The following ZNF692 variants were observed in gnomAD, a reference collection of about 807,000 sequenced individuals.
ZNF692 encodes zinc finger protein 692.
ZNF692 carries 41 observed loss-of-function variants against 49.0 expected under a neutral mutation model. The observed-to-expected ratio is 0.84, with a 90% confidence interval of 0.65 to 1.08. The LOEUF (loss-of-function observed/expected upper bound fraction) is 1.08. Among genes scored for constraint, ZNF692 ranks in the 50% least tolerant of loss-of-function variants. The pLI, the probability that ZNF692 is intolerant of heterozygous loss-of-function variation, is 0.00. For missense variants in ZNF692, 662 were observed against 662.2 expected (o/e 1.00, Z 0.00); for synonymous variants, 288 against 251.5 (o/e 1.15, Z -1.37).
chr1:248,858,946 A>ACTGCGC lies in ZNF692; in HGVS notation c.-47_-42dup, dbSNP rs920499257. On this transcript the variant is annotated 5_prime_UTR_variant, in exon 1 of 12. Transcript: ENST00000306601. This position sits in a 1 kb window ranked among gnomAD's most constrained non-coding sequence, Gnocchi z 4.3. ...TGCGCCCCCACGCGCCCTCACCCCCACTGCGCCTGCGCCTGCGCCTCCCGG... is the reference window on the plus strand; with the variant it reads ...TGCGCCCCCACGCGCCCTCACCCCCACTGCGCCTGCGCCTGCGCCTGCGCCTCCCGG... The ACTGCGC allele has an allele frequency of 7.6e-4, 60 of 79,102 alleles. No individual in the cohort carries two copies. Among genetic ancestry groups the ACTGCGC allele is most frequent in the African/African-American group, 4.1e-3 (42 of 10,296 alleles). 4.9% of individuals were successfully genotyped at this position (79,102 alleles called of 1,614,324 possible).
Position 248,856,542 on chromosome 1 carries a change from C to G in ZNF692, c.496G>C (p.Glu166Gln). 6.2e-7 allele frequency: 1 copy of G among 1,614,208 alleles called. No homozygotes were observed. Among genetic ancestry groups the G allele is most frequent in the Non-Finnish European group, 8.5e-7 (1 of 1,180,040 alleles). ...GGCAACCTGGCCTCTTGAGTCCTCT[C>G]ATCATGCTCAGATTCCAAATCTGTG... ...ELADLESEHD[E>Q]RTQEARLPRR... The change falls in exon 5 of 12, where the codon GAG becomes CAG. Residue 166 changes from glutamate (E) to glutamine (Q), a missense_variant. Glu to Gln is a conservative substitution (Grantham distance 29). Transcript: ENST00000306601.
chr1:248,854,358 A>G, intron 9 of ZNF692: 1 of 294,070 alleles, frequency 3.4e-6, no homozygotes, highest in Non-Finnish European at 6.6e-6. Flanking sequence ...TTCCCTGTAC[A>G]AAGTATCACT....
rs775899584 is a variant in ZNF692 at position 248,855,788 on chromosome 1, A to T, written c.818T>A (p.Val273Asp). ...LSSRAPPPAEVRVQPQLSRTP... is the reference protein window; with the variant it reads ...LSSRAPPPAEDRVQPQLSRTP... The stretch of plus-strand genomic sequence containing the variant: ...CCTGCTGAGCTGTGGCTGCACCCTG[A>T]CTTCTGCAGGTGGAGGAGCTCTGGA... The change falls in exon 7 of 12, where the codon GTC (valine) becomes GAC (aspartate). Residue 273 changes from valine (V) to aspartate (D), a missense_variant. Coordinates refer to ENST00000306601, the MANE Select transcript of ZNF692 (RefSeq NM_017865.4). 1.2e-6 allele frequency: 2 copies of T among 1,614,106 alleles called. No homozygotes were observed. Among genetic ancestry groups the T allele is most frequent in the Admixed American group, 3.3e-5 (2 of 60,014 alleles).
chr1:248,854,884 CCT>C (rs952753161), intron 9 of ZNF692, among the ~76,000 whole-genome samples: 31 of 152,288 alleles, frequency 2.0e-4, no homozygotes, highest in East Asian at 1.5e-3. Flanking sequence ...GGCATTCTCC[CCT>C]GTCTGTCTAC....
chr1:248,855,761 G>T lies in ZNF692; in HGVS notation c.845C>A (p.Thr282Asn). 6.2e-7 allele frequency: 1 copy of T among 1,614,236 alleles called. No individual in the cohort carries two copies. The highest frequency in any genetic ancestry group is 8.5e-7 in the Non-Finnish European group (1 of 1,180,042). ...EVRVQPQLSR[T>N]PQAAQQTEAL... ...CTCAGTCTGCTGGGCCGCTTGAGGGGTCCTGCTGAGCTGTGGCTGCACCCT... is the reference window on the plus strand; with the variant it reads ...CTCAGTCTGCTGGGCCGCTTGAGGGTTCCTGCTGAGCTGTGGCTGCACCCT... Residue 282 changes from threonine to asparagine, a missense_variant, in exon 7 of 12, where the codon ACC becomes AAC. Coordinates refer to ENST00000306601, the MANE Select transcript of ZNF692 (RefSeq NM_017865.4).
intron 4 of ZNF692, among the ~76,000 whole-genome samples, 166 bp from the exon 5 acceptor site, chr1:248,856,728 T>C (rs374319015): frequency 5.9e-4 from 90 of 152,136 alleles, no homozygotes; most frequent in African/African-American, 2.1e-3. Context: ...GCTCAAGCAA[T>C]CCTCTTGCCT....
chr1:248,850,609 C>T (rs1659449731), intron 11 of ZNF692, 73 bp downstream of exon 11: 1 of 1,602,020 alleles, frequency 6.2e-7, no homozygotes, highest in African/African-American at 1.3e-5. Context: ...CCTAGGTGTC[C>T]TATATGCCTA....
rs769188310 is a variant in ZNF692, at chr1:248,850,682, T to C, written c.1253A>G (p.Gln418Arg). The change falls in exon 11 of 12, where the codon CAG becomes CGG. Residue 418 changes from glutamine (Q) to arginine (R), a missense_variant and splice_region_variant. Coordinates refer to ENST00000306601, the MANE Select transcript of ZNF692 (RefSeq NM_017865.4). ...CCTCAGACCCCACCCCAGCACTCACTGCAGGGGTTTTTCTCCAGTGTGGAT... is the reference window on the plus strand; with the variant it reads ...CCTCAGACCCCACCCCAGCACTCACCGCAGGGGTTTTTCTCCAGTGTGGAT... ...RRIHTGEKPLQCEICGFTCRQ... is the reference protein window; with the variant it reads ...RRIHTGEKPLRCEICGFTCRQ... The C allele has an allele frequency of 3.1e-6, 5 of 1,614,000 alleles. No homozygotes were observed. The Admixed American group carries it at 6.7e-5, about 22-fold the overall frequency.
chr1:248,854,185 C>A, intron 9 of ZNF692, 134 bp from the exon 10 acceptor site: 1 of 652,358 alleles, frequency 1.5e-6, no homozygotes. Context: ...GCAGTTCTCC[C>A]TGTCATGGCC....
At chr1:248,853,251 C>G (rs1659815191) in intron 10 of ZNF692, among the ~76,000 whole-genome samples, 2 of 152,216 alleles carry the variant, frequency 1.3e-5, no homozygotes, top group Admixed American at 1.3e-4. Context: ...CACATCTCTG[C>G]AGTCATCTCA....
Position 248,854,013 on chromosome 1 carries a change from G to T in ZNF692, c.1077C>A (p.Phe359Leu), listed in dbSNP as rs1659925484. 1.2e-6 allele frequency: 2 copies of T among 1,614,114 alleles called. No homozygotes were observed. Among genetic ancestry groups the T allele is most frequent in the Non-Finnish European group, 1.7e-6 (2 of 1,180,032 alleles). Residue 359 changes from phenylalanine to leucine, a missense_variant, in exon 10 of 12, where the codon TTC (phenylalanine) becomes TTA (leucine). Transcript: ENST00000306601. Reference protein sequence around the residue: ...KKYQHIHQKSFSCPEPACGKS... With the variant: ...KKYQHIHQKSLSCPEPACGKS... The stretch of plus-strand genomic sequence containing the variant: ...TCCCACAGGCTGGCTCTGGGCAGGA[G>T]AAAGACTTCTGGTGGATGTGCTGGT...
chr1:248,851,495 C>T (rs1159014122), intron 10 of ZNF692, among the ~76,000 whole-genome samples: 1 of 152,042 alleles, frequency 6.6e-6, no homozygotes, highest in Non-Finnish European at 1.5e-5. Context: ...TCTCATGGTG[C>T]CCTTTAGACC....
Position 248,850,092 on chromosome 1 carries a change from C to T in ZNF692, c.*118G>A, listed in dbSNP as rs1177617222. The T allele has an allele frequency of 1.7e-6, 2 of 1,195,062 alleles. No homozygotes were observed. Among genetic ancestry groups the T allele is most frequent in the Admixed American group, 6.1e-5 (2 of 32,852 alleles). The allele number at this position is 1,195,062 out of a possible 1,614,324, so 74.0% of individuals were successfully genotyped here. ...AGCCCAGTCTTGCCCCCACCCTGCACTCTGTCGCCTTAGTTCCTGGGGACC... is the reference window on the plus strand; with the variant it reads ...AGCCCAGTCTTGCCCCCACCCTGCATTCTGTCGCCTTAGTTCCTGGGGACC... On this transcript the variant is annotated 3_prime_UTR_variant, in exon 12 of 12. Transcript: ENST00000306601.
At chr1:248,855,257 G>T (rs1033021700) in intron 9 of ZNF692, 123 bp downstream of exon 9, 6 of 882,128 alleles carry the variant, frequency 6.8e-6, no homozygotes, top group African/African-American at 6.7e-5. Context: ...CTTTATACAT[G>T]TCAGGTACCC....
In ZNF692 at chr1:248,850,377, C is replaced by G; in HGVS notation, c.1393G>C (p.Ala465Pro). The change falls in exon 12 of 12, where the codon GCC becomes CCC. Residue 465 changes from alanine (A) to proline (P), a missense_variant. Ala to Pro is a conservative substitution (Grantham distance 27, BLOSUM62 -1). Coordinates refer to ENST00000306601, the MANE Select transcript of ZNF692 (RefSeq NM_017865.4). ...GCTGGGTGACTTTTGCTACGGTGGG[C>G]TGCAACACTGTCTGGCTTCTCAAAG... ...KRFEKPDSVA[A>P]HRSKSHPALL... 7 of 1,614,126 alleles carry G rather than the reference C, an allele frequency of 4.3e-6. No homozygotes were observed. Among genetic ancestry groups the G allele is most frequent in the Non-Finnish European group, 5.9e-6 (7 of 1,180,028 alleles).
At position 248,857,299 on chromosome 1, in the gene ZNF692, G is replaced by T; in HGVS notation, c.410C>A (p.Ala137Asp). 1 of 1,614,178 alleles carries T rather than the reference G, an allele frequency of 6.2e-7. No homozygotes were observed. Among genetic ancestry groups the T allele is most frequent in the Non-Finnish European group, 8.5e-7 (1 of 1,180,028 alleles). ...SPTPSEAPKP[A>D]SLPHTTRRSW... Reference sequence around the variant, plus strand: ...TCTCCGAGTAGTATGTGGAAGGGAGGCTGGCTTGGGTGCCTCTGAAGGTGT... The same window carrying T: ...TCTCCGAGTAGTATGTGGAAGGGAGTCTGGCTTGGGTGCCTCTGAAGGTGT... Residue 137 changes from alanine to aspartate, a missense_variant, in exon 4 of 12, where the codon GCC becomes GAC. Transcript: ENST00000306601.
At position 248,850,506 on chromosome 1, in the gene ZNF692, A is replaced by G. The variant is rs1284018263; in HGVS notation, c.1264T>C (p.Cys422Arg). 1.2e-5 allele frequency: 19 copies of G among 1,607,246 alleles called. No homozygotes were observed. The highest frequency in any genetic ancestry group is 1.3e-5 in the Non-Finnish European group (15 of 1,176,260). Residue 422 changes from cysteine to arginine, a missense_variant, in exon 12 of 12, where the codon TGC (cysteine) becomes CGC (arginine). Cys to Arg is a radical substitution (Grantham distance 180, BLOSUM62 -3). Coordinates refer to ENST00000306601, the MANE Select transcript of ZNF692 (RefSeq NM_017865.4). ...GCCTTCTGGCGGCAGGTAAACCCGCATATCTCACACCTGGAGTCAGGGACA... is the reference window on the plus strand; with the variant it reads ...GCCTTCTGGCGGCAGGTAAACCCGCGTATCTCACACCTGGAGTCAGGGACA... Reference protein sequence around the residue: ...TGEKPLQCEICGFTCRQKASL... With the variant: ...TGEKPLQCEIRGFTCRQKASL...
intron 10 of ZNF692, 133 bp from the exon 11 acceptor site, chr1:248,850,914 T>G: frequency 1.2e-6 from 1 of 821,878 alleles, no homozygotes; most frequent in Non-Finnish European, 2.1e-6. Flanking sequence ...TTAGTTGTTA[T>G]CCAAATCATG....
At chr1:248,854,083 G>A in intron 9 of ZNF692, 32 bp from the exon 10 acceptor site, 1 of 1,543,336 alleles carries the variant, frequency 6.5e-7, no homozygotes. Context: ...AGGGAGAGAA[G>A]AGGCAAAAGG....
Sources: allele counts gnomAD v4.1 joint callset (sites outside exome capture counted in the v4.1 genomes callset), GRCh38; gene constraint gnomAD v4.1.1; non-coding constraint Gnocchi (gnomAD v3.1); transcripts MANE v1.5; gene names NCBI Gene and HGNC (gene_info 2026-07-23, HGNC 2026-07-21).